MAGI1: variants seen among roughly 807,000 people sequenced by gnomAD.
MAGI1 encodes the protein membrane associated guanylate kinase, WW and PDZ domain containing 1, also known as membrane-associated guanylate kinase, WW and PDZ domain-containing protein 1.
In MAGI1, 58 loss-of-function variants were observed where a neutral mutation model predicts 139.9. That is an observed-to-expected ratio of 0.41 (90% confidence interval 0.34 to 0.52). The LOEUF is 0.52. Ranked by LOEUF, MAGI1 falls within the 20% of genes least tolerant of loss-of-function variation. The pLI is 0.12. For synonymous variants in MAGI1, 812 were observed against 737.9 expected, an observed-to-expected ratio of 1.10 and a Z score of -1.63; for missense variants, 1,874 against 1,901.6, an observed-to-expected ratio of 0.99 and a Z score of 0.27.
chr3:66,019,478 C>T (rs1193723689), intron 1 of MAGI1, among the ~76,000 whole-genome samples: 4 of 152,220 alleles, frequency 2.6e-5, no homozygotes, highest in African/African-American at 9.6e-5. Context: ...TATTTAACAG[C>T]ACAGGCTCTG....
chr3:65,558,520 C>T (rs1045092946), intron 2 of MAGI1, among the ~76,000 whole-genome samples: 1 of 152,114 alleles, frequency 6.6e-6, no homozygotes, highest in African/African-American at 2.4e-5. Flanking sequence ...AAACAGCTGA[C>T]ATTAGATCCT....
At chr3:65,919,200 T>C (rs1032338967) in intron 1 of MAGI1, among the ~76,000 whole-genome samples, 3 of 152,186 alleles carry the variant, frequency 2.0e-5, no homozygotes, top group African/African-American at 7.2e-5. Flanking sequence ...GGAGACAAAA[T>C]GCTGACTTCT....
chr3:65,361,991 ATTT>A (rs890144952), intron 21 of MAGI1, among the ~76,000 whole-genome samples: 3 of 152,212 alleles, frequency 2.0e-5, no homozygotes, highest in Admixed American at 1.3e-4. Context: ...GTCAGCCACT[ATTT>A]TAGACACTGG....
chr3:65,517,793 C>T (rs527343922), intron 2 of MAGI1, among the ~76,000 whole-genome samples: 1 of 152,242 alleles, frequency 6.6e-6, no homozygotes, highest in Admixed American at 6.5e-5. Flanking sequence ...TCCTCCCACC[C>T]AACCATGCAG....
intron 1 of MAGI1, among the ~76,000 whole-genome samples, chr3:65,691,111 G>C (rs971536678): frequency 2.6e-5 from 4 of 151,868 alleles, no homozygotes; most frequent in Admixed American, 6.6e-5. Context: ...GACCATCTTG[G>C]CTAACACGGG....
intron 14 of MAGI1, chr3:65,387,201 T>A: frequency 1.2e-6 from 2 of 1,614,054 alleles, no homozygotes; most frequent in Non-Finnish European, 1.7e-6. Context: ...CCTTGCTCAA[T>A]CCCGACGCAG....
At chr3:66,019,887 G>A (rs2067869113) in intron 1 of MAGI1, among the ~76,000 whole-genome samples, 1 of 151,792 alleles carries the variant, frequency 6.6e-6, no homozygotes, top group Admixed American at 6.6e-5. Context: ...CTATTCCATG[G>A]CTTCTCTCTT....
rs1553641815 is a variant in MAGI1, at chr3:65,419,229, C to CACACACACACACAT, written c.2167+10290_2167+10291insATGTGTGTGTGTGT. Among the ~76,000 whole-genome samples the CACACACACACACAT allele has an allele frequency of 1.4e-3, 199 of 144,830 alleles. 1 individual carries two copies. The highest frequency in any genetic ancestry group is 2.6e-3 in the Non-Finnish European group (175 of 66,914). On this transcript the variant is annotated intron_variant, in intron 12 of 22. Transcript: ENST00000402939. The stretch of plus-strand genomic sequence containing the variant: ...ATTTTATAACACATTCATACACACA[C>CACACACACACACAT]ACACACACACACACACAAGTGTATG...
At chr3:65,926,331 CTCT>C in intron 1 of MAGI1, among the ~76,000 whole-genome samples, 1 of 135,344 alleles carries the variant, frequency 7.4e-6, no homozygotes, top group Non-Finnish European at 1.6e-5. Flanking sequence ...CTTCTTTTCT[CTCT>C]CTCTCTCTCT....
At chr3:65,506,550 T>C (rs1376288882) in intron 2 of MAGI1, among the ~76,000 whole-genome samples, 1 of 152,204 alleles carries the variant, frequency 6.6e-6, no homozygotes, top group Non-Finnish European at 1.5e-5. Context: ...CACAAGAATC[T>C]ATATAGCTCC....
rs1940109621 is a variant in MAGI1 at position 65,354,326 on chromosome 3, T to A, written c.*2052A>T. On this transcript the variant is annotated 3_prime_UTR_variant, in exon 23 of 23. Transcript: ENST00000402939. ...TTTTAGCTACAGAATGTATATTGTG[T>A]CTGTTCCAGGAAAGGAACTTGTTTT... 1 of 152,672 alleles carries A rather than the reference T, an allele frequency of 6.5e-6. No homozygotes were observed. Among genetic ancestry groups the A allele is most frequent in the Non-Finnish European group, 1.5e-5 (1 of 68,038 alleles). 9.5% of individuals were successfully genotyped at this position (152,672 alleles called of 1,614,324 possible).
chr3:65,929,732 C>T (rs556816874), intron 1 of MAGI1, among the ~76,000 whole-genome samples: 1 of 152,050 alleles, frequency 6.6e-6, no homozygotes, highest in Admixed American at 6.6e-5. Flanking sequence ...GCACAAAAGC[C>T]ATAAAAGTTT....
At chr3:65,875,441 A>C (rs1175975284) in intron 1 of MAGI1, among the ~76,000 whole-genome samples, 1 of 152,228 alleles carries the variant, frequency 6.6e-6, no homozygotes, top group Non-Finnish European at 1.5e-5. Context: ...AATCAGGAAA[A>C]AGGAGAATAA....
chr3:65,568,906 A>T (rs901892308), intron 2 of MAGI1, among the ~76,000 whole-genome samples: 2 of 152,200 alleles, frequency 1.3e-5, no homozygotes, highest in African/African-American at 4.8e-5. Context: ...AATAATATCC[A>T]CGTATAATTT....
At chr3:65,646,536 C>T (rs1442631029) in intron 1 of MAGI1, among the ~76,000 whole-genome samples, 1 of 152,028 alleles carries the variant, frequency 6.6e-6, no homozygotes, top group Non-Finnish European at 1.5e-5. Context: ...AACTCAACAC[C>T]TTCAAACAAC....
At chr3:65,610,751 C>CTATATATATATATATGCT (rs59887286) in intron 2 of MAGI1, among the ~76,000 whole-genome samples, 1 of 21,180 alleles carries the variant, frequency 4.7e-5, no homozygotes, top group Non-Finnish European at 1.7e-4. Flanking sequence ...AGTATATATA[C>CTATATATATATATATGCT]AGTATATATA....
intron 1 of MAGI1, among the ~76,000 whole-genome samples, chr3:65,916,162 G>C (rs1325461123): frequency 1.3e-5 from 2 of 151,900 alleles, no homozygotes; most frequent in Non-Finnish European, 2.9e-5. Flanking sequence ...TGCCTCCCGG[G>C]TTGACGCGAT....
chr3:65,713,903 T>C (rs1211188659), intron 1 of MAGI1, among the ~76,000 whole-genome samples: 1 of 152,060 alleles, frequency 6.6e-6, no homozygotes, highest in Non-Finnish European at 1.5e-5. Flanking sequence ...GAGCTTTCAC[T>C]CCAATGCTGG....
At chr3:65,875,610 A>G (rs919995762) in intron 1 of MAGI1, among the ~76,000 whole-genome samples, 3 of 152,160 alleles carry the variant, frequency 2.0e-5, no homozygotes, top group African/African-American at 7.2e-5. Context: ...TGACCTTGGT[A>G]AAGACACTTA....
Sources: gnomAD v4.1 joint callset for allele counts (sites outside exome capture counted in the v4.1 genomes callset) on GRCh38, gnomAD v4.1.1 for gene constraint, MANE v1.5 for transcripts, NCBI Gene and HGNC (gene_info 2026-07-23, HGNC 2026-07-21) for gene names.